SGCD: variants seen among roughly 807,000 people sequenced by gnomAD.
SGCD encodes delta-sarcoglycan.
Under a neutral mutation model 36.6 loss-of-function variants are expected in SGCD, and 18 were observed. The ratio of observed to expected loss-of-function variants is 0.49; its 90% confidence interval spans 0.34 to 0.73. SGCD has a LOEUF of 0.73. Among genes scored for constraint, SGCD ranks in the 30% least tolerant of loss-of-function variants. The pLI is 0.01. For synonymous variants in SGCD, 133 were observed against 130.6 expected, an observed-to-expected ratio of 1.02 and a Z score of -0.12; for missense variants, 387 against 346.7, an observed-to-expected ratio of 1.12 and a Z score of -0.92.
At chr5:156,134,109 TC>T (rs1040770104) in intron 3 of SGCD, among the ~76,000 whole-genome samples, 6 of 152,160 alleles carry the variant, frequency 3.9e-5, no homozygotes, top group Admixed American at 6.5e-5. Flanking sequence ...GACCTTTTTT[TC>T]CCCCTTCAAC....
intron 3 of SGCD, among the ~76,000 whole-genome samples, chr5:156,411,086 C>T (rs112258195): frequency 3.9e-5 from 6 of 152,136 alleles, no homozygotes; most frequent in African/African-American, 1.4e-4. Context: ...ATGATTTGCC[C>T]CCTTGATGTT....
chr5:156,426,477 G>A (rs546145628), intron 3 of SGCD, among the ~76,000 whole-genome samples: 5 of 151,946 alleles, frequency 3.3e-5, no homozygotes, highest in East Asian at 3.9e-4. Context: ...ATCCCTTGTC[G>A]GATGCATTGT....
At chr5:156,677,318 T>C (rs1753552519) in intron 7 of SGCD, among the ~76,000 whole-genome samples, 1 of 152,206 alleles carries the variant, frequency 6.6e-6, no homozygotes, top group Non-Finnish European at 1.5e-5. Flanking sequence ...ATATACACTA[T>C]GGAATACTAT....
At chr5:156,424,735 T>C (rs1773589869) in intron 3 of SGCD, among the ~76,000 whole-genome samples, 1 of 152,044 alleles carries the variant, frequency 6.6e-6, no homozygotes, top group Admixed American at 6.6e-5. Flanking sequence ...GCCATGACTT[T>C]CTTCCAGCAA....
Position 155,893,280 on chromosome 5 carries a change from G to A in SGCD, c.-282+22856G>A, listed in dbSNP as rs539522508. Reference sequence around the variant, plus strand: ...GTCAATTAAAAATAAAAAATAAAACGTTAGAAAAAAGCTTGCTTTTGCAAC... The same window carrying A: ...GTCAATTAAAAATAAAAAATAAAACATTAGAAAAAAGCTTGCTTTTGCAAC... On this transcript the variant is annotated intron_variant, in intron 1 of 9. Coordinates refer to the SGCD transcript ENST00000517913. 1.2e-4 allele frequency among the ~76,000 whole-genome samples: 19 copies of A among 152,076 alleles called. 1 individual carries two copies. The highest frequency in any genetic ancestry group is 4.3e-4 in the African/African-American group (18 of 41,506).
chr5:156,164,608 G>A (rs377471945), intron 3 of SGCD, among the ~76,000 whole-genome samples: 2 of 152,158 alleles, frequency 1.3e-5, no homozygotes, highest in African/African-American at 2.4e-5. Context: ...TTTGATATTT[G>A]GTTCTAGTAT....
intron 3 of SGCD, among the ~76,000 whole-genome samples, chr5:156,508,039 C>T (rs1191518666): frequency 3.3e-5 from 5 of 152,080 alleles, no homozygotes. Flanking sequence ...TTGATAATCG[C>T]TGAAGATGAG....
intron 6 of SGCD, among the ~76,000 whole-genome samples, chr5:156,603,974 C>T (rs1455848021): frequency 6.6e-6 from 1 of 151,782 alleles, no homozygotes; most frequent in Non-Finnish European, 1.5e-5. Flanking sequence ...AGTGATCTTT[C>T]CATTGTTGAA....
chr5:155,988,124 A>G lies in SGCD; in HGVS notation c.-282+117700A>G, dbSNP rs184457869. ...GTTTAAACCCAGATTTTTTGACTCA[A>G]GAGATTAGACTATTTATATATTGGT... On this transcript the variant is annotated intron_variant, in intron 1 of 9. Coordinates refer to the SGCD transcript ENST00000517913. Among the ~76,000 whole-genome samples the G allele has an allele frequency of 4.0e-4, 61 of 152,304 alleles. 1 individual carries two copies. The highest frequency in any genetic ancestry group is 1.4e-3 in the African/African-American group (59 of 41,558).
the SGCD span, among the ~76,000 whole-genome samples, chr5:155,728,299 G>T: frequency 5.3e-5 from 8 of 152,246 alleles, no homozygotes; most frequent in South Asian, 1.7e-3. Flanking sequence ...TGCCGCTGCC[G>T]GAGCCCGAAC....
intron 3 of SGCD, among the ~76,000 whole-genome samples, chr5:156,224,682 GTATGCTTTA>G (rs1401703599): frequency 6.6e-6 from 1 of 152,106 alleles, no homozygotes; most frequent in Non-Finnish European, 1.5e-5. Context: ...TCAGCTCTTT[GTATGCTTTA>G]TAATTCATAC....
intron 1 of SGCD, among the ~76,000 whole-genome samples, chr5:155,999,560 C>T (rs1487834009): frequency 2.0e-5 from 3 of 152,146 alleles, no homozygotes; most frequent in Non-Finnish European, 2.9e-5. Flanking sequence ...TAATGATAAA[C>T]AGGACAAACA....
chr5:156,070,813 G>C (rs953299679), intron 1 of SGCD, among the ~76,000 whole-genome samples: 1 of 152,174 alleles, frequency 6.6e-6, no homozygotes, highest in East Asian at 1.9e-4. Context: ...TTCAAAGCCT[G>C]TTATTGGTCT....
At chr5:156,629,315 A>T (rs769726317) in intron 6 of SGCD, among the ~76,000 whole-genome samples, 3 of 152,210 alleles carry the variant, frequency 2.0e-5, no homozygotes, top group Non-Finnish European at 4.4e-5. Context: ...TGGGGACATA[A>T]TAAGGTGATA....
intron 3 of SGCD, among the ~76,000 whole-genome samples, chr5:156,375,456 G>A (rs1393522287): frequency 7.0e-6 from 1 of 143,220 alleles, no homozygotes; most frequent in African/African-American, 2.6e-5. Flanking sequence ...GCTACCTATG[G>A]TCTTGTGGTC....
the SGCD span, among the ~76,000 whole-genome samples, chr5:155,784,026 C>T: frequency 1.3e-5 from 2 of 152,116 alleles, no homozygotes; most frequent in Non-Finnish European, 2.9e-5. Context: ...TAAATATGAG[C>T]CACTGTAGTC....
intron 1 of SGCD, among the ~76,000 whole-genome samples, chr5:156,041,036 C>G (rs535059643): frequency 9.8e-5 from 15 of 152,304 alleles, no homozygotes; most frequent in African/African-American, 3.4e-4. Flanking sequence ...TCTGTGTTTC[C>G]TTCTGAAGTA....
At chr5:155,850,733 T>A in the SGCD span, among the ~76,000 whole-genome samples, 1 of 152,296 alleles carries the variant, frequency 6.6e-6, no homozygotes, top group East Asian at 1.9e-4. Context: ...TCCTTGTCTT[T>A]CCTTTTGCCT....
At chr5:156,636,858 T>C (rs922861820) in intron 6 of SGCD, among the ~76,000 whole-genome samples, 1 of 152,198 alleles carries the variant, frequency 6.6e-6, no homozygotes, top group Non-Finnish European at 1.5e-5. Context: ...AATGTCAGTT[T>C]ACTTCTCTTT....
Sources: gnomAD v4.1 joint callset for allele counts (sites outside exome capture counted in the v4.1 genomes callset) on GRCh38, gnomAD v4.1.1 for gene constraint, MANE v1.5 for transcripts, NCBI Gene and HGNC (gene_info 2026-07-23, HGNC 2026-07-21) for gene names.